OR3A2: variants seen among roughly 807,000 people sequenced by gnomAD.
OR3A2 encodes olfactory receptor 3A2.
For synonymous variants in OR3A2, 126 were observed against 159.3 expected (o/e 0.79, Z 1.57); for missense variants, 318 against 392.8 (o/e 0.81, Z 1.61).
intron 3 of OR3A2, among the ~76,000 whole-genome samples, chr17:3,332,359 C>T (rs934811026): frequency 1.3e-4 from 19 of 151,998 alleles, no homozygotes; most frequent in Admixed American, 4.6e-4. Flanking sequence ...TAGCAATCAG[C>T]GAGACTCCGT....
intron 3 of OR3A2, among the ~76,000 whole-genome samples, chr17:3,300,136 C>CTTTTTT (rs879293427): frequency 6.9e-6 from 1 of 145,040 alleles, no homozygotes; most frequent in Admixed American, 6.9e-5. Context: ...TCCCTTCCCT[C>CTTTTTT]TTTTTTTTTT....
intron 3 of OR3A2, chr17:3,310,902 A>C: frequency 9.5e-6 from 7 of 736,096 alleles, no homozygotes; most frequent in Non-Finnish European, 1.4e-5. Context: ...TGTTCATCTC[A>C]ATGGGCAGTT....
chr17:3,333,424 C>T (rs1400145877), intron 3 of OR3A2, among the ~76,000 whole-genome samples: 2 of 152,160 alleles, frequency 1.3e-5, no homozygotes, highest in Non-Finnish European at 2.9e-5. Context: ...TGCCCTTTGC[C>T]TTGTGATCTT....
chr17:3,360,291 G>C (rs1391666402), intron 2 of OR3A2, among the ~76,000 whole-genome samples: 1 of 151,432 alleles, frequency 6.6e-6, no homozygotes, highest in African/African-American at 2.4e-5. Flanking sequence ...AAATTTGTTT[G>C]AGTTCTTTGT....
chr17:3,359,862 G>C (rs1175582066), intron 2 of OR3A2, among the ~76,000 whole-genome samples: 1 of 151,692 alleles, frequency 6.6e-6, no homozygotes, highest in Non-Finnish European at 1.5e-5. Flanking sequence ...GCTATTGTGA[G>C]TAGTGCCGCA....
intron 2 of OR3A2, among the ~76,000 whole-genome samples, chr17:3,380,387 G>A (rs1249524963): frequency 4.6e-5 from 7 of 152,158 alleles, no homozygotes; most frequent in Non-Finnish European, 7.3e-5. Flanking sequence ...ATTACTGAGC[G>A]ACTGCAGACA....
intron 3 of OR3A2, among the ~76,000 whole-genome samples, chr17:3,320,613 C>G (rs2049112900): frequency 6.7e-6 from 1 of 149,628 alleles, no homozygotes; most frequent in Non-Finnish European, 1.5e-5. Flanking sequence ...CCAGTTTTCC[C>G]AGCACCATTT....
intron 2 of OR3A2, among the ~76,000 whole-genome samples, chr17:3,336,689 G>T (rs2049276664): frequency 1.3e-5 from 2 of 152,094 alleles, no homozygotes; most frequent in African/African-American, 2.4e-5. Flanking sequence ...CACTGTCTGG[G>T]TTGCCAGACA....
In OR3A2 at chr17:3,310,886, C is replaced by T. The variant is rs764906098; in HGVS notation, c.-85+25147G>A. ...TCCCACAGCCCTTCCAGCTCTCCTG[C>T]TCCAGTGTTCATCTCAATGGGCAGT... On this transcript the variant is annotated intron_variant, in intron 3 of 4. Coordinates refer to the OR3A2 transcript ENST00000573491. 5 of 931,886 alleles carry T rather than the reference C, an allele frequency of 5.4e-6. No individual in the cohort carries two copies. In the African/African-American group the frequency reaches 7.0e-5, roughly 13 times the overall value. The allele number at this position is 931,886 out of a possible 1,614,324, so 57.7% of individuals were successfully genotyped here. A position where few individuals can be genotyped will look rare whatever the true frequency, so the allele number is the denominator to read the frequency against.
At chr17:3,336,737 T>A (rs1014899611) in intron 2 of OR3A2, among the ~76,000 whole-genome samples, 7 of 152,208 alleles carry the variant, frequency 4.6e-5, no homozygotes, top group Non-Finnish European at 7.3e-5. Context: ...GATGTCCTCT[T>A]AACTCTTTCC....
intron 2 of OR3A2, among the ~76,000 whole-genome samples, chr17:3,348,583 G>A (rs2049390551): frequency 6.6e-6 from 1 of 152,146 alleles, no homozygotes. Flanking sequence ...CGGGGAGAAT[G>A]GAACCAAGTT....
chr17:3,330,410 T>C (rs1404817806), intron 3 of OR3A2, among the ~76,000 whole-genome samples: 1 of 151,530 alleles, frequency 6.6e-6, no homozygotes, highest in East Asian at 1.9e-4. Flanking sequence ...ATTGGGTACA[T>C]ATATATTTAG....
intron 2 of OR3A2, among the ~76,000 whole-genome samples, chr17:3,371,914 C>T (rs1437776136): frequency 2.1e-5 from 3 of 144,808 alleles, no homozygotes; most frequent in South Asian, 2.3e-4. Flanking sequence ...GGCGGCTGGC[C>T]GGGCGGGGGC....
intron 3 of OR3A2, among the ~76,000 whole-genome samples, chr17:3,330,581 C>G (rs2049222754): frequency 1.3e-5 from 2 of 152,026 alleles, no homozygotes; most frequent in South Asian, 4.1e-4. Flanking sequence ...CTTTCTCCAT[C>G]CTTTTATTTT....
intron 2 of OR3A2, among the ~76,000 whole-genome samples, chr17:3,369,804 A>ATTTTTT (rs2049596894): frequency 1.3e-5 from 1 of 75,826 alleles, no homozygotes; most frequent in African/African-American, 6.5e-5. Flanking sequence ...TTAGATTGGT[A>ATTTTTT]CTTTTTTTTT....
rs542831257 is a variant in OR3A2 at position 3,348,796 on chromosome 17, C to T, written c.-178-12670G>A. Among the ~76,000 whole-genome samples, 9 of 152,180 alleles carry T rather than the reference C, an allele frequency of 5.9e-5. No individual in the cohort carries two copies. The East Asian group carries it at 1.5e-3, about 26-fold the overall frequency. On this transcript the variant is annotated intron_variant, in intron 2 of 4. Transcript: ENST00000573491. Reference sequence around the variant, plus strand: ...CAGCCAGAGAGAAAGGTCGGGTTACCCACAAAGGGAAGCCCATCAGATTAA... The same window carrying T: ...CAGCCAGAGAGAAAGGTCGGGTTACTCACAAAGGGAAGCCCATCAGATTAA...
intron 3 of OR3A2, among the ~76,000 whole-genome samples, chr17:3,319,984 A>G (rs931114899): frequency 1.3e-5 from 2 of 152,224 alleles, no homozygotes; most frequent in East Asian, 1.9e-4. Flanking sequence ...ACTAGTTTAC[A>G]GTCCCACCAA....
intron 3 of OR3A2, among the ~76,000 whole-genome samples, chr17:3,314,756 C>T (rs916620167): frequency 6.6e-6 from 1 of 152,108 alleles, no homozygotes; most frequent in African/African-American, 2.4e-5. Flanking sequence ...CTTGGTAATA[C>T]TGCATGATGC....
rs1440249338 is a variant in OR3A2 at position 3,375,484 on chromosome 17, T to G, written c.-179+8320A>C. 2.0e-5 allele frequency among the ~76,000 whole-genome samples: 3 copies of G among 151,740 alleles called. No individual in the cohort carries two copies. In the East Asian group the frequency reaches 5.8e-4, roughly 29 times the overall value. On this transcript the variant is annotated intron_variant, in intron 2 of 4. Coordinates refer to the OR3A2 transcript ENST00000573491. Reference sequence around the variant, plus strand: ...TGTCTGGCTCATTTTGTATTTTTAGTAGAGATGGGGTTTCACCATGATGGT... The same window carrying G: ...TGTCTGGCTCATTTTGTATTTTTAGGAGAGATGGGGTTTCACCATGATGGT...
Sources: gnomAD v4.1 joint callset for allele counts (sites outside exome capture counted in the v4.1 genomes callset) on GRCh38, gnomAD v4.1.1 for gene constraint, MANE v1.5 for transcripts, NCBI Gene and HGNC (gene_info 2026-07-23, HGNC 2026-07-21) for gene names.